The following NLGN1 variants were observed in gnomAD, a reference collection of about 807,000 sequenced individuals.
The protein encoded by NLGN1 is neuroligin-1.
In NLGN1, 12 loss-of-function variants were observed where a neutral mutation model predicts 65.5. That is an observed-to-expected ratio of 0.18 (90% confidence interval 0.12 to 0.30). NLGN1 has a LOEUF of 0.30. Ranked by LOEUF, NLGN1 falls within the 10% of genes least tolerant of loss-of-function variation. NLGN1 has a pLI of 1.00. For missense variants in NLGN1, 750 were observed against 1,007.1 expected (o/e 0.74, Z 3.46); for synonymous variants, 350 against 359.5 (o/e 0.97, Z 0.30).
chr3:173,552,248 T>C (rs540592859), intron 2 of NLGN1, among the ~76,000 whole-genome samples: 1 of 152,302 alleles, frequency 6.6e-6, no homozygotes, highest in South Asian at 2.1e-4. Context: ...AAAGTCAGCC[T>C]ATGGAAATCA....
intron 3 of NLGN1, among the ~76,000 whole-genome samples, chr3:173,644,889 G>A (rs973839641): frequency 6.6e-6 from 1 of 152,256 alleles, no homozygotes; most frequent in Non-Finnish European, 1.5e-5. Flanking sequence ...TGTTGAGGGG[G>A]CATGGTCAGG....
chr3:173,632,537 C>CA (rs1239837565), intron 3 of NLGN1, among the ~76,000 whole-genome samples: 2 of 152,070 alleles, frequency 1.3e-5, no homozygotes, highest in African/African-American at 4.8e-5. Context: ...AAATTAAGTG[C>CA]AGCAGAAAAA....
intron 4 of NLGN1, among the ~76,000 whole-genome samples, chr3:173,887,184 C>T (rs2150957666): frequency 6.6e-6 from 1 of 152,092 alleles, no homozygotes; most frequent in East Asian, 1.9e-4. Flanking sequence ...TTGTAGACAC[C>T]ACTGAAGAGT....
intron 4 of NLGN1, among the ~76,000 whole-genome samples, chr3:174,062,881 T>C (rs907927098): frequency 6.6e-6 from 1 of 152,210 alleles, no homozygotes; most frequent in East Asian, 1.9e-4. Flanking sequence ...AAATATTACA[T>C]TTATTATTTT....
intron 4 of NLGN1, among the ~76,000 whole-genome samples, chr3:174,025,970 T>A (rs1387775883): frequency 6.6e-6 from 1 of 152,144 alleles, no homozygotes; most frequent in Non-Finnish European, 1.5e-5. Context: ...GAAATTAAAA[T>A]TAGAGTTTTT....
chr3:174,088,007 T>C (rs1743744176), intron 4 of NLGN1, among the ~76,000 whole-genome samples: 1 of 152,264 alleles, frequency 6.6e-6, no homozygotes, highest in South Asian at 2.1e-4. Context: ...TAATAGGTTT[T>C]GCTGCATGGC....
At chr3:173,572,560 A>G (rs532058958) in intron 2 of NLGN1, among the ~76,000 whole-genome samples, 17 of 152,168 alleles carry the variant, frequency 1.1e-4, no homozygotes, top group Non-Finnish European at 2.5e-4. Context: ...TCTGTGATCT[A>G]TTTCCCTGAC....
chr3:173,697,529 G>T (rs949323070), intron 3 of NLGN1, among the ~76,000 whole-genome samples: 3 of 151,808 alleles, frequency 2.0e-5, no homozygotes, highest in Admixed American at 6.6e-5. Context: ...CAGAGAGAAA[G>T]ATTTTCTTTT....
At chr3:173,798,872 A>G (rs1239812498) in intron 3 of NLGN1, among the ~76,000 whole-genome samples, 4 of 151,980 alleles carry the variant, frequency 2.6e-5, no homozygotes, top group Non-Finnish European at 5.9e-5. Context: ...AGCTGATGAA[A>G]CATAACTGTA....
chr3:173,461,899 A>G (rs989143966), intron 2 of NLGN1, among the ~76,000 whole-genome samples: 10 of 152,150 alleles, frequency 6.6e-5, no homozygotes, highest in South Asian at 4.1e-4. Flanking sequence ...CTTCACCTGT[A>G]AATTTCACAT....
At chr3:173,493,103 T>C (rs1343007766) in intron 2 of NLGN1, among the ~76,000 whole-genome samples, 5 of 151,884 alleles carry the variant, frequency 3.3e-5, no homozygotes, top group Non-Finnish European at 1.5e-5. Context: ...GTTTTACCTA[T>C]GGTAAATTTC....
At chr3:173,663,891 T>C (rs185667030) in intron 3 of NLGN1, among the ~76,000 whole-genome samples, 17 of 152,062 alleles carry the variant, frequency 1.1e-4, no homozygotes, top group Admixed American at 1.1e-3. Flanking sequence ...GAGCAGTCTT[T>C]TTCCCAAAGG....
intron 4 of NLGN1, among the ~76,000 whole-genome samples, chr3:174,061,670 T>G (rs2152519280): frequency 6.6e-6 from 1 of 152,292 alleles, no homozygotes; most frequent in South Asian, 2.1e-4. Context: ...CAGAATTAAT[T>G]AAAATGATTT....
At chr3:173,450,611 A>G (rs867377329) in intron 2 of NLGN1, among the ~76,000 whole-genome samples, 1 of 152,066 alleles carries the variant, frequency 6.6e-6, no homozygotes, top group Non-Finnish European at 1.5e-5. Context: ...GTTGGCCTGC[A>G]TTGCTATATT....
At chr3:173,713,579 C>T (rs1031814609) in intron 3 of NLGN1, among the ~76,000 whole-genome samples, 16 of 151,856 alleles carry the variant, frequency 1.1e-4, no homozygotes, top group Non-Finnish European at 4.4e-5. Context: ...TTATAATAAG[C>T]CTATGTTCTG....
At chr3:174,253,120 T>C (rs1398042831) in intron 4 of NLGN1, among the ~76,000 whole-genome samples, 1 of 152,196 alleles carries the variant, frequency 6.6e-6, no homozygotes, top group Non-Finnish European at 1.5e-5. Context: ...AAGTGCTTTG[T>C]AAAATTAGCA....
chr3:173,930,380 G>A (rs1221989322), intron 4 of NLGN1, among the ~76,000 whole-genome samples: 1 of 152,138 alleles, frequency 6.6e-6, no homozygotes, highest in Non-Finnish European at 1.5e-5. Context: ...ACATCAATTT[G>A]TATGGCTAAC....
At chr3:173,674,866 A>G (rs1762910789) in intron 3 of NLGN1, among the ~76,000 whole-genome samples, 1 of 152,022 alleles carries the variant, frequency 6.6e-6, no homozygotes, top group South Asian at 2.1e-4. Context: ...TAAGTTTTCT[A>G]TCCCCCAGGA....
intron 4 of NLGN1, among the ~76,000 whole-genome samples, chr3:173,864,000 G>C (rs73035418): frequency 6.6e-6 from 1 of 152,254 alleles, no homozygotes; most frequent in African/African-American, 2.4e-5. Context: ...GGTGATGAGA[G>C]GAAAATTGGA....
Sources: gnomAD v4.1 joint callset for allele counts (sites outside exome capture counted in the v4.1 genomes callset) on GRCh38, gnomAD v4.1.1 for gene constraint, MANE v1.5 for transcripts, NCBI Gene and HGNC (gene_info 2026-07-23, HGNC 2026-07-21) for gene names.